IL1RAPL1: variants seen among roughly 807,000 people sequenced by gnomAD.
IL1RAPL1 encodes interleukin-1 receptor accessory protein-like 1.
A neutral mutation model predicts 48.4 loss-of-function variants in IL1RAPL1; 3 were observed. The ratio of observed to expected loss-of-function variants is 0.06; its 90% CI spans 0.03 to 0.16. The LOEUF is 0.16. Ranked by LOEUF, IL1RAPL1 falls within the 10% of genes least tolerant of loss-of-function variation. The probability of loss-of-function intolerance (pLI) is 1.00; values close to 1 mark genes in which losing one functional copy is unlikely to be tolerated. For missense variants in IL1RAPL1, 349 were observed against 530.6 expected, an observed-to-expected ratio of 0.66 and a Z score of 3.36; for synonymous variants, 185 against 187.7, an observed-to-expected ratio of 0.99 and a Z score of 0.12.
At chrX:29,432,423 A>T (rs767408602) in intron 5 of IL1RAPL1, among the ~76,000 whole-genome samples, 1 of 111,310 alleles carries the variant, frequency 9.0e-6, no homozygotes, top group East Asian at 2.8e-4. Context: ...TAACTTTGAT[A>T]GATAAGTGAC....
At chrX:29,352,519 G>T (rs1321522904) in intron 3 of IL1RAPL1, among the ~76,000 whole-genome samples, 1 of 111,153 alleles carries the variant, frequency 9.0e-6, no homozygotes, top group Non-Finnish European at 1.9e-5. Flanking sequence ...AGATGGTCAA[G>T]TTTAGTTATG....
chrX:29,028,857 C>T (rs780271362), intron 2 of IL1RAPL1, among the ~76,000 whole-genome samples: 6 of 110,723 alleles, frequency 5.4e-5, no homozygotes, highest in East Asian at 2.9e-4. Context: ...TGGGGTGTGC[C>T]GGGAGGTGCA....
intron 3 of IL1RAPL1, among the ~76,000 whole-genome samples, chrX:29,335,509 C>G (rs1932981245): frequency 9.1e-6 from 1 of 109,751 alleles, no homozygotes; most frequent in Non-Finnish European, 1.9e-5. Flanking sequence ...CTATCAGGTA[C>G]CTTTACAAAG....
intron 2 of IL1RAPL1, among the ~76,000 whole-genome samples, chrX:28,948,945 G>C (rs920234838): frequency 1.8e-5 from 2 of 111,318 alleles, no homozygotes; most frequent in Non-Finnish European, 3.8e-5. Flanking sequence ...TTTTCCTTCT[G>C]AAAATATCTT....
chrX:29,824,269 T>C (rs1195673169), intron 6 of IL1RAPL1, among the ~76,000 whole-genome samples: 2 of 111,410 alleles, frequency 1.8e-5, no homozygotes, highest in African/African-American at 6.5e-5. Context: ...GTAGCAGTTA[T>C]TATTTAATTT....
chrX:29,740,996 A>G (rs1428842443), intron 6 of IL1RAPL1, among the ~76,000 whole-genome samples: 1 of 111,973 alleles, frequency 8.9e-6, no homozygotes, highest in Non-Finnish European at 1.9e-5. Context: ...ACAACCCTAA[A>G]TCCCAAGTAT....
At position 29,618,919 on chromosome X, in the gene IL1RAPL1, C is replaced by A. The variant is rs1240810616; in HGVS notation, c.704-49511C>A. ...AGTTGTTTTAATTTTTTCTCAAGTA[C>A]ATTAGCTGCCAAATTTAAAATTATT... is the stretch of plus-strand genomic sequence containing the variant. On this transcript the variant is annotated intron_variant, in intron 5 of 10. Transcript: ENST00000378993. Among the ~76,000 whole-genome samples, 5 of 111,508 alleles carry A rather than the reference C, an allele frequency of 4.5e-5. No homozygotes were observed. In the East Asian group the frequency reaches 1.4e-3, roughly 31 times the overall value.
intron 5 of IL1RAPL1, among the ~76,000 whole-genome samples, chrX:29,551,382 A>G (rs187989665): frequency 2.6e-4 from 29 of 112,193 alleles, no homozygotes; most frequent in Admixed American, 2.5e-3. Flanking sequence ...AATATGATTT[A>G]AAATTTTTTT....
At chrX:29,012,178 A>G (rs1926138086) in intron 2 of IL1RAPL1, among the ~76,000 whole-genome samples, 1 of 112,621 alleles carries the variant, frequency 8.9e-6, no homozygotes, top group African/African-American at 3.2e-5. Context: ...AAATAAACTC[A>G]TACTAACATT....
At chrX:29,501,248 G>A (rs995766968) in intron 5 of IL1RAPL1, among the ~76,000 whole-genome samples, 1 of 111,273 alleles carries the variant, frequency 9.0e-6, no homozygotes, top group African/African-American at 3.3e-5. Context: ...TCTATGTGTT[G>A]TCTCTTTACT....
intron 2 of IL1RAPL1, among the ~76,000 whole-genome samples, chrX:29,254,462 C>A (rs1245514795): frequency 9.6e-6 from 1 of 104,587 alleles, no homozygotes; most frequent in Non-Finnish European, 2.0e-5. Flanking sequence ...TGAGAGAGAG[C>A]AAAGAGGGGG....
chrX:29,931,239 T>C (rs1468989092), intron 8 of IL1RAPL1, among the ~76,000 whole-genome samples: 1 of 111,239 alleles, frequency 9.0e-6, no homozygotes. Flanking sequence ...AAAGGCAAAT[T>C]TACCACTATT....
intron 1 of IL1RAPL1, among the ~76,000 whole-genome samples, chrX:28,589,551 G>GC (rs771587357): frequency 9.0e-6 from 1 of 111,640 alleles, no homozygotes; most frequent in Non-Finnish European, 1.9e-5. Context: ...TTTCAGAAGT[G>GC]CCCCATTGAG....
At chrX:29,678,504 G>T (rs1926352607) in intron 6 of IL1RAPL1, among the ~76,000 whole-genome samples, 1 of 102,591 alleles carries the variant, frequency 9.7e-6, no homozygotes, top group Non-Finnish European at 2.0e-5. Context: ...AGAGGCACCC[G>T]CCACCACGCC....
intron 5 of IL1RAPL1, among the ~76,000 whole-genome samples, chrX:29,428,788 C>T (rs1056723303): frequency 9.0e-6 from 1 of 111,570 alleles, no homozygotes; most frequent in African/African-American, 3.3e-5. Context: ...TGACTCACTC[C>T]ACATTACCCA....
intron 2 of IL1RAPL1, among the ~76,000 whole-genome samples, chrX:28,822,763 A>T (rs946111342): frequency 8.9e-6 from 1 of 111,870 alleles, no homozygotes; most frequent in African/African-American, 3.2e-5. Context: ...CTTGCTACAG[A>T]AGAAGAAATA....
At chrX:29,059,644 T>C (rs1238678626) in intron 2 of IL1RAPL1, among the ~76,000 whole-genome samples, 1 of 111,865 alleles carries the variant, frequency 8.9e-6, no homozygotes, top group Non-Finnish European at 1.9e-5. Context: ...ATTATCCTGA[T>C]TAAAGAATAA....
At chrX:29,670,525 A>G (rs1470621681) in intron 6 of IL1RAPL1, among the ~76,000 whole-genome samples, 1 of 111,713 alleles carries the variant, frequency 9.0e-6, no homozygotes, top group Non-Finnish European at 1.9e-5. Flanking sequence ...GAGAAATTCA[A>G]CCTTAATCTT....
chrX:28,807,760 T>G (rs1001156903), intron 2 of IL1RAPL1, among the ~76,000 whole-genome samples: 8 of 111,413 alleles, frequency 7.2e-5, no homozygotes, highest in Non-Finnish European at 1.3e-4. Context: ...CTACATTTGA[T>G]TTTTAGTTTA....
Sources: allele counts gnomAD v4.1 joint callset (sites outside exome capture counted in the v4.1 genomes callset), GRCh38; gene constraint gnomAD v4.1.1; transcripts MANE v1.5; gene names NCBI Gene and HGNC (gene_info 2026-07-23, HGNC 2026-07-21).